Variants in FCHO1 observed in about 807,000 individuals in gnomAD.
The protein encoded by FCHO1 is FCH and mu domain containing endocytic adaptor 1.
In FCHO1, 45 loss-of-function variants were observed where a neutral mutation model predicts 114.4. The observed-to-expected ratio is 0.39, with a 90% CI of 0.31 to 0.50. The LOEUF is 0.50. Among genes scored for constraint, FCHO1 ranks in the 20% least tolerant of loss-of-function variants. The pLI is 0.77. For missense variants in FCHO1, 1,042 were observed against 1,209.6 expected, an observed-to-expected ratio of 0.86 and a Z score of 2.06; for synonymous variants, 480 against 488.9, an observed-to-expected ratio of 0.98 and a Z score of 0.24.
rs566310288 is a variant in FCHO1, at chr19:17,778,034, G to A, written c.1260-103G>A. On this transcript the variant is annotated intron_variant, in intron 18 of 28. Coordinates refer to ENST00000596536, the MANE Select transcript of FCHO1 (RefSeq NM_015122.3). ...AGCCTGGCCGACAGAGCAAGACTCC[G>A]TCTCAAAAAAAAAAAAGACTGGGAA... 1.2e-4 allele frequency: 88 copies of A among 740,386 alleles called. No homozygotes were observed. In the African/African-American group the frequency reaches 1.3e-3, roughly 11 times the overall value. 45.9% of individuals were successfully genotyped at this position (740,386 alleles called of 1,614,324 possible).
At chr19:17,753,512 T>G (rs1386058976) in intron 1 of FCHO1, among the ~76,000 whole-genome samples, 1 of 152,158 alleles carries the variant, frequency 6.6e-6, no homozygotes, top group African/African-American at 2.4e-5. Flanking sequence ...GCTCTGTCTC[T>G]CTAGACTGGG....
chr19:17,770,029 G>T (rs866898988), intron 7 of FCHO1, among the ~76,000 whole-genome samples: 1 of 152,008 alleles, frequency 6.6e-6, no homozygotes, highest in Admixed American at 6.6e-5. Context: ...GCCGGGCGTG[G>T]TGGCTCACAC....
intron 3 of FCHO1, 173 bp downstream of exon 3, chr19:17,754,854 T>C: frequency 2.4e-6 from 1 of 410,222 alleles, no homozygotes; most frequent in Non-Finnish European, 4.5e-6. Context: ...CAATCTAGAC[T>C]CCCTCAGCTC....
chr19:17,771,589 A>T (rs151088319), intron 9 of FCHO1, among the ~76,000 whole-genome samples: 2,961 of 151,472 alleles, frequency 0.02, 51 homozygotes, highest in Middle Eastern at 0.034. Flanking sequence ...GAATGGCGAG[A>T]ACCCAGGAGG....
Position 17,772,524 on chromosome 19 carries a change from CG to C in FCHO1, c.664del (p.Val222TrpfsTer59). 1 of 1,614,078 alleles carries C rather than the reference CG, an allele frequency of 6.2e-7. No individual in the cohort carries two copies. Among genetic ancestry groups the C allele is most frequent in the Non-Finnish European group, 8.5e-7 (1 of 1,180,020 alleles). Reference protein sequence around the residue: ...MKALLGSYAHSVEDTHVQIGQ... With the variant: ...MKALLGSYAHXVEDTHVQIGQ... Reference sequence around the variant, plus strand: ...GCACTGCTGGGCTCATATGCTCACTCGGTGGAGGACACGCACGTGCAGATTG... The same window carrying C: ...GCACTGCTGGGCTCATATGCTCACTCGTGGAGGACACGCACGTGCAGATTG... On this transcript the variant is annotated frameshift_variant, in exon 10 of 29. Transcript: ENST00000596536. LOFTEE classifies it high-confidence loss of function.
chr19:17,764,702 G>A (rs772783296), intron 6 of FCHO1, among the ~76,000 whole-genome samples: 3 of 152,164 alleles, frequency 2.0e-5, no homozygotes, highest in Non-Finnish European at 4.4e-5. Context: ...TTCATGCAAT[G>A]TACATCTGGG....
Position 17,775,153 on chromosome 19 carries a change from C to A in FCHO1, c.945+73C>A. On this transcript the variant is annotated intron_variant, in intron 14 of 28. Transcript: ENST00000596536. This position sits in a 1 kb window ranked among gnomAD's most constrained non-coding sequence, Gnocchi z 5.1. The stretch of plus-strand genomic sequence containing the variant: ...TGATCCCACTCTTGGCTCCTAGAGT[C>A]CCGATCCCTACTGGAAACTAAAGAG... 1 of 1,492,364 alleles carries A rather than the reference C, an allele frequency of 6.7e-7. No individual in the cohort carries two copies. The allele number at this position is 1,492,364 out of a possible 1,614,324, so 92.4% of individuals were successfully genotyped here.
At position 17,784,630 on chromosome 19, in the gene FCHO1, C is replaced by A; in HGVS notation, c.2227-95C>A. The A allele has an allele frequency of 8.5e-7, 1 of 1,172,756 alleles. No individual in the cohort carries two copies. The allele number at this position is 1,172,756 out of a possible 1,614,324, so 72.6% of individuals were successfully genotyped here. ...GTGACTGGACCCCCTTGGGGCGGTG[C>A]GTGCATCGCAGGGTCAAGGTGGTTG... On this transcript the variant is annotated intron_variant, in intron 25 of 28. Coordinates refer to ENST00000596536, the MANE Select transcript of FCHO1 (RefSeq NM_015122.3). This position sits in a 1 kb window ranked among gnomAD's most constrained non-coding sequence, Gnocchi z 5.3.
chr19:17,782,954 A>G (rs1208176033), intron 23 of FCHO1, 63 bp from the exon 24 acceptor site: 2 of 1,573,764 alleles, frequency 1.3e-6, no homozygotes, highest in African/African-American at 2.7e-5. Flanking sequence ...AACCAAGAGA[A>G]GGGGAAGGAT....
At chr19:17,768,350 G>A (rs906022131) in intron 7 of FCHO1, among the ~76,000 whole-genome samples, 1 of 151,994 alleles carries the variant, frequency 6.6e-6, no homozygotes, top group Non-Finnish European at 1.5e-5. Flanking sequence ...GATTACAGGT[G>A]TGAGCCACCG....
intron 1 of FCHO1, 182 bp from the exon 2 acceptor site, chr19:17,754,135 T>C (rs2082723822): frequency 6.6e-6 from 1 of 152,256 alleles, no homozygotes; most frequent in Non-Finnish European, 1.5e-5. Context: ...GCTACCGAGC[T>C]GCCTGTGGGG....
rs566584716 is a variant in FCHO1, at chr19:17,781,285, C to T, written c.1682C>T (p.Pro561Leu). The T allele has an allele frequency of 5.8e-5, 94 of 1,614,034 alleles. No homozygotes were observed. The South Asian group carries it at 1.0e-3, about 17-fold the overall frequency. ...GCCAGGGAGGGCCTGGCAGCCCCAC[C>T]CAGGAGACTTCGCTCTAGGAAGGTG... ...PTAREGLAAP[P>L]RRLRSRKVSC... Residue 561 changes from proline to leucine, a missense_variant, in exon 21 of 29, where the codon CCC (proline) becomes CTC (leucine). By Grantham distance (98) the Pro-to-Leu change is moderately conservative. This residue lies in a region of FCHO1 where 455 missense variants were observed against 455.4 expected (regional missense o/e 1.00). Coordinates refer to ENST00000596536, the MANE Select transcript of FCHO1 (RefSeq NM_015122.3).
intron 7 of FCHO1, 78 bp from the exon 8 acceptor site, chr19:17,770,341 AGACTGT>A: frequency 1.4e-6 from 2 of 1,383,024 alleles, no homozygotes; most frequent in Non-Finnish European, 9.7e-7. Flanking sequence ...ACATAGAAAA[AGACTGT>A]GGAGCTGACA....
chr19:17,769,839 C>CT (rs11397360), intron 7 of FCHO1, among the ~76,000 whole-genome samples: 68,034 of 151,646 alleles, frequency 0.45, 16,089 homozygotes, highest in East Asian at 0.71. Flanking sequence ...GTAAATAGTA[C>CT]TTTTTTTTAA....
chr19:17,775,222 T>C lies in FCHO1; in HGVS notation c.945+142T>C. 4 of 976,006 alleles carry C rather than the reference T, an allele frequency of 4.1e-6. No individual in the cohort carries two copies. Among genetic ancestry groups the C allele is most frequent in the South Asian group, 3.1e-5 (2 of 64,286 alleles). 60.5% of individuals were successfully genotyped at this position (976,006 alleles called of 1,614,324 possible). On this transcript the variant is annotated intron_variant, in intron 14 of 28. Coordinates refer to ENST00000596536, the MANE Select transcript of FCHO1 (RefSeq NM_015122.3). This position sits in a 1 kb window ranked among gnomAD's most constrained non-coding sequence, Gnocchi z 5.1. ...CTGGAGCCTGGGGGCTGGGTTCATA[T>C]CCCACCTCAGCTGCAAAGTCCCATG...
chr19:17,784,215 G>T lies in FCHO1; in HGVS notation c.2206G>T (p.Val736Leu). 1 of 1,611,478 alleles carries T rather than the reference G, an allele frequency of 6.2e-7. No homozygotes were observed. The highest frequency in any genetic ancestry group is 8.5e-7 in the Non-Finnish European group (1 of 1,178,916). The change falls in exon 25 of 29, where the codon GTG becomes TTG. Residue 736 changes from valine (V) to leucine (L), a missense_variant. Coordinates refer to ENST00000596536, the MANE Select transcript of FCHO1 (RefSeq NM_015122.3). This position sits in a 1 kb window ranked among gnomAD's most constrained non-coding sequence, Gnocchi z 5.3. ...EQNPTASYYN[V>L]VLLRYQFSRP... ...GAACCCCACTGCCTCCTACTACAAC[G>T]TGGTGCTGCTGCGATACCAGGTGCG...
In FCHO1 at chr19:17,774,387, T is replaced by C. The variant is rs999228896; in HGVS notation, c.836-7T>C. 3.7e-6 allele frequency: 6 copies of C among 1,613,800 alleles called. No individual in the cohort carries two copies. In the African/African-American group the frequency reaches 8.0e-5, roughly 22 times the overall value. On this transcript the variant is annotated splice_polypyrimidine_tract_variant and splice_region_variant and intron_variant, in intron 12 of 28. Coordinates refer to ENST00000596536, the MANE Select transcript of FCHO1 (RefSeq NM_015122.3). ...CAGTGCTCAGGTGCCCCCCAATCTA[T>C]CCTCAGCGATGAAACGTTTGCGGGG...
chr19:17,763,561 G>C (rs2087333362), intron 5 of FCHO1, among the ~76,000 whole-genome samples: 1 of 114,052 alleles, frequency 8.8e-6, no homozygotes, highest in Non-Finnish European at 1.9e-5. Context: ...ACTGCACTCT[G>C]CCTTTTTTTT....
At position 17,784,732 on chromosome 19, in the gene FCHO1, G is replaced by A. The variant is rs151277101; in HGVS notation, c.2234G>A (p.Arg745His). The A allele has an allele frequency of 2.7e-5, 44 of 1,613,862 alleles. No individual in the cohort carries two copies. Among genetic ancestry groups the A allele is most frequent in the African/African-American group, 6.7e-5 (5 of 75,014 alleles). ...CATTCTCATTCTTCCTAGTTCTCCC[G>A]CCCGGGTCCCCAGTCTGTGCCTCTG... ...NVVLLRYQFS[R>H]PGPQSVPLQL... is the part of the protein sequence containing the mutation. The change falls in exon 26 of 29, where the codon CGC (arginine) becomes CAC (histidine). Residue 745 changes from arginine (R) to histidine (H), a missense_variant. Arg to His is a conservative substitution (Grantham distance 29). Around this residue, in one of 3 missense-constraint regions of FCHO1, gnomAD observed 455 missense variants for 455.4 expected, o/e 1.00. Transcript: ENST00000596536. This position sits in a 1 kb window ranked among gnomAD's most constrained non-coding sequence, Gnocchi z 5.3.
Sources: gnomAD v4.1 joint callset for allele counts (sites outside exome capture counted in the v4.1 genomes callset) on GRCh38, gnomAD v4.1.1 for gene constraint, gnomAD v4.1.1 regional missense constraint, Gnocchi (gnomAD v3.1) non-coding constraint, MANE v1.5 for transcripts, NCBI Gene and HGNC (gene_info 2026-07-23, HGNC 2026-07-21) for gene names.